Variants in CDH18 observed in about 807,000 individuals in gnomAD.
CDH18 encodes the protein cadherin 18.
A neutral mutation model predicts 67.9 loss-of-function variants in CDH18; 31 were observed. The ratio of observed to expected loss-of-function variants is 0.46; its 90% confidence interval spans 0.34 to 0.62. The LOEUF is 0.62. Ranked by LOEUF, CDH18 falls within the 20% of genes least tolerant of loss-of-function variation. CDH18 has a pLI of 0.01. For missense variants in CDH18, 890 were observed against 975.5 expected, an observed-to-expected ratio of 0.91 and a Z score of 1.17; for synonymous variants, 362 against 347.2, an observed-to-expected ratio of 1.04 and a Z score of -0.48.
intron 2 of CDH18, among the ~76,000 whole-genome samples, chr5:19,893,879 T>C (rs766394987): frequency 2.4e-4 from 37 of 152,136 alleles, no homozygotes; most frequent in Non-Finnish European, 2.6e-4. Flanking sequence ...TTATCTCATA[T>C]TGAAAAACTC....
At chr5:20,136,605 T>C (rs61207382) in intron 2 of CDH18, among the ~76,000 whole-genome samples, 7,096 of 152,208 alleles carry the variant, frequency 0.047, 557 homozygotes, top group African/African-American at 0.16. Flanking sequence ...GTTAATACTG[T>C]TATGTGTGAA....
chr5:20,466,295 G>A (rs767846301), intron 1 of CDH18, among the ~76,000 whole-genome samples: 4 of 151,970 alleles, frequency 2.6e-5, no homozygotes, highest in African/African-American at 7.2e-5. Context: ...AAAGTAAACT[G>A]ACTTATTAGG....
intron 2 of CDH18, among the ~76,000 whole-genome samples, chr5:20,175,032 A>G (rs1737123186): frequency 6.6e-6 from 1 of 152,162 alleles, no homozygotes; most frequent in Non-Finnish European, 1.5e-5. Flanking sequence ...AATATGGTCT[A>G]GACTGTGTCT....
intron 3 of CDH18, among the ~76,000 whole-genome samples, chr5:19,768,032 A>G (rs1282706650): frequency 6.6e-6 from 1 of 152,174 alleles, no homozygotes; most frequent in African/African-American, 2.4e-5. Context: ...TCCACAAATC[A>G]AGGTCAAAAT....
intron 2 of CDH18, among the ~76,000 whole-genome samples, chr5:20,035,371 G>A (rs1223521879): frequency 6.6e-6 from 1 of 151,984 alleles, no homozygotes; most frequent in Non-Finnish European, 1.5e-5. Context: ...CACATAAAGT[G>A]ATTGCATTAT....
At chr5:19,864,226 T>C (rs1159177637) in intron 2 of CDH18, among the ~76,000 whole-genome samples, 1 of 150,198 alleles carries the variant, frequency 6.7e-6, no homozygotes, top group African/African-American at 2.5e-5. Flanking sequence ...ATGTCCTTTG[T>C]AGGGACATGG....
At chr5:20,320,928 A>G (rs1737962570) in intron 1 of CDH18, among the ~76,000 whole-genome samples, 1 of 152,018 alleles carries the variant, frequency 6.6e-6, no homozygotes, top group Non-Finnish European at 1.5e-5. Context: ...AACCTATTGT[A>G]GCTGTTTGGG....
At chr5:20,567,838 G>A (rs1758601045) in intron 1 of CDH18, among the ~76,000 whole-genome samples, 1 of 152,070 alleles carries the variant, frequency 6.6e-6, no homozygotes, top group Non-Finnish European at 1.5e-5. Context: ...TCTACTAGAT[G>A]GAGAATGCCT....
chr5:19,562,077 G>A (rs1470836906), intron 8 of CDH18, among the ~76,000 whole-genome samples: 8 of 152,248 alleles, frequency 5.3e-5, no homozygotes, highest in African/African-American at 1.9e-4. Context: ...CAATGGCTGA[G>A]TGTTTTTGAT....
At chr5:20,338,219 C>G (rs1415386113) in intron 1 of CDH18, among the ~76,000 whole-genome samples, 1 of 152,182 alleles carries the variant, frequency 6.6e-6, no homozygotes, top group South Asian at 2.1e-4. Flanking sequence ...CAGCACTGTC[C>G]AATGAATTTA....
At chr5:20,293,227 G>C (rs960007366) in intron 1 of CDH18, among the ~76,000 whole-genome samples, 2 of 152,154 alleles carry the variant, frequency 1.3e-5, no homozygotes, top group Non-Finnish European at 2.9e-5. Flanking sequence ...TGAGGCAGGA[G>C]AATTGCTTGA....
At chr5:19,689,412 A>G (rs1761547374) in intron 5 of CDH18, among the ~76,000 whole-genome samples, 1 of 151,974 alleles carries the variant, frequency 6.6e-6, no homozygotes, top group Non-Finnish European at 1.5e-5. Context: ...ATTGGCAATC[A>G]AGATTACTAT....
intron 1 of CDH18, among the ~76,000 whole-genome samples, chr5:20,498,742 C>G (rs1754060971): frequency 6.6e-6 from 1 of 151,876 alleles, no homozygotes; most frequent in African/African-American, 2.4e-5. Context: ...AAATATCAAA[C>G]AGATAATTAA....
chr5:20,102,252 G>A (rs1455099520), intron 2 of CDH18, among the ~76,000 whole-genome samples: 1 of 147,016 alleles, frequency 6.8e-6, no homozygotes, highest in Non-Finnish European at 1.5e-5. Context: ...GTGTGTGTGT[G>A]TATTCACGAT....
chr5:20,397,673 CTA>C (rs1745398326), intron 1 of CDH18, among the ~76,000 whole-genome samples: 2 of 152,114 alleles, frequency 1.3e-5, no homozygotes, highest in East Asian at 3.9e-4. Flanking sequence ...GTTATATTTT[CTA>C]GTAAGCATGC....
intron 2 of CDH18, among the ~76,000 whole-genome samples, chr5:20,172,239 T>TATAC (rs1491444874): frequency 3.5e-4 from 19 of 54,464 alleles, no homozygotes; most frequent in African/African-American, 1.1e-3. Context: ...TATATATATA[T>TATAC]GTATATATAT....
At chr5:19,929,396 C>A (rs551275510) in intron 2 of CDH18, among the ~76,000 whole-genome samples, 7 of 152,210 alleles carry the variant, frequency 4.6e-5, no homozygotes, top group African/African-American at 1.7e-4. Flanking sequence ...AACAGACTGA[C>A]TCCTCAAGAC....
chr5:19,525,444 CT>C (rs1747610436), intron 9 of CDH18, among the ~76,000 whole-genome samples: 1 of 152,202 alleles, frequency 6.6e-6, no homozygotes, highest in South Asian at 2.1e-4. Flanking sequence ...ATTCAGTGTC[CT>C]GTAGGAAACA....
intron 1 of CDH18, among the ~76,000 whole-genome samples, chr5:20,485,672 T>C (rs2126343008): frequency 6.6e-6 from 1 of 152,168 alleles, no homozygotes; most frequent in South Asian, 2.1e-4. Context: ...TAAGTAATAC[T>C]GAATTTAGTA....
Sources: gnomAD v4.1 joint callset for allele counts (sites outside exome capture counted in the v4.1 genomes callset) on GRCh38, gnomAD v4.1.1 for gene constraint, MANE v1.5 for transcripts, NCBI Gene and HGNC (gene_info 2026-07-23, HGNC 2026-07-21) for gene names.